CYRIA: variants seen among roughly 807,000 people sequenced by gnomAD.
CYRIA encodes the protein CYFIP-related Rac1 interactor A.
In CYRIA, 15 loss-of-function variants were observed where a neutral mutation model predicts 43.9. That is an observed-to-expected ratio of 0.34 (90% CI 0.23 to 0.53). The LOEUF (loss-of-function observed/expected upper bound fraction) is 0.53, where lower values mean the gene tolerates loss of function less well. CYRIA is among the 20% of genes least tolerant of loss of function. The pLI, the probability that CYRIA is intolerant of heterozygous loss-of-function variation, is 0.94. For synonymous variants in CYRIA, 117 were observed against 136.0 expected (o/e 0.86, Z 0.97); for missense variants, 236 against 394.2 (o/e 0.60, Z 3.40).
intron 3 of CYRIA, among the ~76,000 whole-genome samples, chr2:16,573,778 A>G (rs905578499): frequency 6.6e-6 from 1 of 152,198 alleles, no homozygotes; most frequent in African/African-American, 2.4e-5. Context: ...GCCTTCTGCC[A>G]TAATTGTGAG....
At chr2:16,568,499 G>A (rs1408342372) in intron 3 of CYRIA, among the ~76,000 whole-genome samples, 1 of 152,174 alleles carries the variant, frequency 6.6e-6, no homozygotes, top group Non-Finnish European at 1.5e-5. Flanking sequence ...CGTAACTGGA[G>A]AAAGTGTTCT....
At chr2:16,639,633 G>A (rs1440774033) in intron 1 of CYRIA, among the ~76,000 whole-genome samples, 1 of 152,222 alleles carries the variant, frequency 6.6e-6, no homozygotes, top group East Asian at 1.9e-4. Flanking sequence ...GTCCCATTGT[G>A]CATTTTGCAA....
At chr2:16,556,398 C>A (rs1418433317) in intron 10 of CYRIA, among the ~76,000 whole-genome samples, 3 of 152,146 alleles carry the variant, frequency 2.0e-5, no homozygotes, top group Admixed American at 1.3e-4. Flanking sequence ...TGCAGAGATT[C>A]TGTCCCTCTC....
At chr2:16,571,497 G>T (rs950932149) in intron 3 of CYRIA, among the ~76,000 whole-genome samples, 11 of 152,220 alleles carry the variant, frequency 7.2e-5, no homozygotes, top group African/African-American at 2.7e-4. Context: ...TTATAGATCG[G>T]CCAAGGACTT....
intron 1 of CYRIA, among the ~76,000 whole-genome samples, chr2:16,662,496 A>C (rs1670283345): frequency 6.6e-6 from 1 of 152,252 alleles, no homozygotes; most frequent in Non-Finnish European, 1.5e-5. Context: ...GTTTGAACTC[A>C]TGCCTGACTC....
chr2:16,588,502 A>G (rs1022200863), intron 2 of CYRIA, among the ~76,000 whole-genome samples: 37 of 151,810 alleles, frequency 2.4e-4, no homozygotes, highest in African/African-American at 8.5e-4. Context: ...AAAGTTTAGG[A>G]ATGTTCTCCG....
chr2:16,593,705 TTTG>T lies in CYRIA; in HGVS notation c.-10-5579_-10-5577del, dbSNP rs536182816. Among the ~76,000 whole-genome samples, 564 of 94,814 alleles carry T rather than the reference TTTG, an allele frequency of 5.9e-3. 15 individuals are homozygous for T. The highest frequency in any genetic ancestry group is 0.028 in the African/African-American group (529 of 18,822). 62.2% of individuals were successfully genotyped at this position (94,814 alleles called of 152,430 possible). ...ATTTTTTTGTGTGTGTGTGTTTTTTTTTGTGTGTGTGTGTTTTTTTTTTTTTTT... is the reference window on the plus strand; with the variant it reads ...ATTTTTTTGTGTGTGTGTGTTTTTTTTGTGTGTGTGTTTTTTTTTTTTTTT... On this transcript the variant is annotated intron_variant, in intron 2 of 11. Transcript: ENST00000381323.
chr2:16,624,093 A>G (rs1669087137), intron 1 of CYRIA, 74 bp from the exon 2 acceptor site: 1 of 152,244 alleles, frequency 6.6e-6, no homozygotes, highest in Non-Finnish European at 1.5e-5. Context: ...TGTATTTTTT[A>G]AGGAGAGCAG....
intron 3 of CYRIA, among the ~76,000 whole-genome samples, chr2:16,584,126 T>A (rs1333066796): frequency 6.6e-6 from 1 of 152,162 alleles, no homozygotes; most frequent in Non-Finnish European, 1.5e-5. Context: ...CCAGCCTCTA[T>A]ATTCAAAGCA....
intron 1 of CYRIA, among the ~76,000 whole-genome samples, chr2:16,658,664 T>C (rs1324600889): frequency 6.6e-6 from 1 of 152,184 alleles, no homozygotes; most frequent in Non-Finnish European, 1.5e-5. Flanking sequence ...TTCTCTTTCT[T>C]CCTCTTTTCC....
intron 6 of CYRIA, 68 bp from the exon 7 acceptor site, chr2:16,561,601 G>T: frequency 2.5e-6 from 3 of 1,176,940 alleles, no homozygotes; most frequent in Non-Finnish European, 3.8e-6. Context: ...ATTAGGAGGA[G>T]CCCAGACACT....
At chr2:16,592,367 G>A (rs532997276) in intron 2 of CYRIA, among the ~76,000 whole-genome samples, 1 of 152,072 alleles carries the variant, frequency 6.6e-6, no homozygotes, top group East Asian at 1.9e-4. Context: ...AAGGGATGGG[G>A]TCCTGAAAAT....
intron 2 of CYRIA, among the ~76,000 whole-genome samples, chr2:16,591,607 C>T (rs1261550550): frequency 2.0e-5 from 3 of 152,050 alleles, no homozygotes; most frequent in African/African-American, 4.8e-5. Context: ...AGGGTGTACT[C>T]TGAAGGGCTG....
At chr2:16,556,753 G>A (rs898097720) in intron 10 of CYRIA, among the ~76,000 whole-genome samples, 14 of 152,122 alleles carry the variant, frequency 9.2e-5, no homozygotes, top group African/African-American at 3.4e-4. Context: ...CTGAGGGTGT[G>A]AGGTGTGGGA....
At chr2:16,647,461 T>G (rs2103543274) in intron 1 of CYRIA, among the ~76,000 whole-genome samples, 1 of 152,334 alleles carries the variant, frequency 6.6e-6, no homozygotes, top group Non-Finnish European at 1.5e-5. Context: ...CTTTCTCATC[T>G]GTACCAGCTG....
chr2:16,645,839 C>A (rs1022803387), intron 1 of CYRIA, among the ~76,000 whole-genome samples: 6 of 152,082 alleles, frequency 3.9e-5, no homozygotes, highest in Admixed American at 3.9e-4. Flanking sequence ...ACCTGATATG[C>A]CTGGTAATTT....
At chr2:16,621,821 T>G (rs533119634) in intron 2 of CYRIA, among the ~76,000 whole-genome samples, 1 of 152,194 alleles carries the variant, frequency 6.6e-6, no homozygotes, top group Non-Finnish European at 1.5e-5. Flanking sequence ...CTTTATTTTT[T>G]TCTGCTTTAT....
chr2:16,562,152 A>G lies in CYRIA; in HGVS notation c.299-11T>C, dbSNP rs750847325. 8.7e-6 allele frequency: 14 copies of G among 1,609,330 alleles called. No homozygotes were observed. In the East Asian group the frequency reaches 2.7e-4, roughly 31 times the overall value. On this transcript the variant is annotated splice_polypyrimidine_tract_variant and intron_variant, in intron 5 of 11. Transcript: ENST00000381323. ...TCTGAAGAGCTTTTTCTGAAAATCA[A>G]AGGGATAAATAGATATGTTGGAGGT...
At position 16,549,599 on chromosome 2, in the gene CYRIA, T is replaced by C. The variant is rs752006883; in HGVS notation, c.*3337A>G. On this transcript the variant is annotated 3_prime_UTR_variant, in exon 12 of 12. Transcript: ENST00000381323. ...CTGCAAAACAGCCTTGGGTCTGTAA[T>C]GGCCTTTATAGACGTAGTGAGAAAA... The C allele has an allele frequency of 2.0e-5, 3 of 152,158 alleles. No homozygotes were observed. Among genetic ancestry groups the C allele is most frequent in the South Asian group, 2.1e-4 (1 of 4,830 alleles). 9.4% of individuals were successfully genotyped at this position (152,158 alleles called of 1,614,324 possible). A position where few individuals can be genotyped will look rare whatever the true frequency, so the allele number is the denominator to read the frequency against.
Sources: allele counts gnomAD v4.1 joint callset (sites outside exome capture counted in the v4.1 genomes callset), GRCh38; gene constraint gnomAD v4.1.1; transcripts MANE v1.5; gene names NCBI Gene and HGNC (gene_info 2026-07-23, HGNC 2026-07-21).